IBTK: variants seen among roughly 807,000 people sequenced by gnomAD.
IBTK encodes inhibitor of Bruton tyrosine kinase.
In IBTK, 83 loss-of-function variants were observed where a neutral mutation model predicts 154.9. That is an observed-to-expected ratio of 0.54 (90% CI 0.45 to 0.64). The LOEUF (loss-of-function observed/expected upper bound fraction) is 0.64. IBTK is among the 30% of genes least tolerant of loss of function. The probability of loss-of-function intolerance (pLI) is 0.00; values close to 1 mark genes in which losing one functional copy is unlikely to be tolerated. For synonymous variants in IBTK, 515 were observed against 536.1 expected (o/e 0.96, Z 0.54); for missense variants, 1,332 against 1,584.6 (o/e 0.84, Z 2.71).
At position 82,181,950 on chromosome 6, in the gene IBTK, A is replaced by G. The variant is rs1410622942; in HGVS notation, c.3654T>C (p.His1218=). Reference sequence around the variant, plus strand: ...CTTTTTTGACATGATCGCCTGAACTATGGCTAGTAACAGACTTTTTTTCTT... The same window carrying G: ...CTTTTTTGACATGATCGCCTGAACTGTGGCTAGTAACAGACTTTTTTTCTT... The part of the protein sequence containing the change: ...LLEEKKSVTS[H]SSGDHVKKVS... Residue 1218 remains histidine, a synonymous_variant, in exon 26 of 29, where the codon CAT becomes CAC. Transcript: ENST00000306270. 1.1e-5 allele frequency: 18 copies of G among 1,603,512 alleles called. No homozygotes were observed. Among genetic ancestry groups the G allele is most frequent in the Non-Finnish European group, 1.5e-5 (18 of 1,177,488 alleles).
chr6:82,222,914 A>G (rs1405947991), intron 8 of IBTK, among the ~76,000 whole-genome samples: 1 of 148,272 alleles, frequency 6.7e-6, no homozygotes, highest in Non-Finnish European at 1.5e-5. Flanking sequence ...AAAAAAAAAA[A>G]CAAAAACTTT....
intron 25 of IBTK, among the ~76,000 whole-genome samples, chr6:82,188,738 C>A (rs368350363): frequency 5.3e-5 from 8 of 152,042 alleles, no homozygotes; most frequent in East Asian, 3.9e-4. Context: ...TATATGTGGA[C>A]AATAGAAAAG....
Position 82,247,645 on chromosome 6 carries a change from A to G in IBTK, c.-441T>C. The stretch of plus-strand genomic sequence containing the variant: ...GGACTCATCCTCAGTGAAGGCAATA[A>G]GAGAAACCGAACGGCGCCAGAGGGG... On this transcript the variant is annotated 5_prime_UTR_variant, in exon 1 of 29. Transcript: ENST00000306270. 2.5e-6 allele frequency: 1 copy of G among 398,826 alleles called. No homozygotes were observed. 24.7% of individuals were successfully genotyped at this position (398,826 alleles called of 1,614,324 possible). A position where few individuals can be genotyped will look rare whatever the true frequency, so the allele number is the denominator to read the frequency against.
At chr6:82,194,977 T>C (rs1351095932) in intron 22 of IBTK, among the ~76,000 whole-genome samples, 3 of 152,172 alleles carry the variant, frequency 2.0e-5, no homozygotes, top group Non-Finnish European at 2.9e-5. Context: ...TTAATATCCA[T>C]GGCTTGAATA....
intron 16 of IBTK, among the ~76,000 whole-genome samples, chr6:82,207,575 G>GC (rs537692727): frequency 6.2e-4 from 94 of 152,130 alleles, no homozygotes; most frequent in African/African-American, 2.1e-3. Context: ...GCAGAAATTG[G>GC]CAAACTAATC....
chr6:82,223,398 AT>A (rs753591576), intron 8 of IBTK, 41 bp downstream of exon 8: 3 of 1,488,336 alleles, frequency 2.0e-6, no homozygotes, highest in Non-Finnish European at 1.8e-6. Flanking sequence ...GAAGAGTTGA[AT>A]TATTATTAAA....
intron 23 of IBTK, among the ~76,000 whole-genome samples, chr6:82,192,960 T>C (rs1768829891): frequency 6.6e-6 from 1 of 151,664 alleles, no homozygotes; most frequent in South Asian, 2.1e-4. Context: ...TGGCTGAGCA[T>C]GGTGGCACGC....
intron 26 of IBTK, among the ~76,000 whole-genome samples, chr6:82,177,002 TATA>T (rs1562068405): frequency 6.6e-6 from 1 of 150,828 alleles, no homozygotes; most frequent in Non-Finnish European, 1.5e-5. Flanking sequence ...TGCTTATAAA[TATA>T]ATAATAAAAT....
In IBTK at chr6:82,230,200, G is replaced by T. The variant is rs1417672994; in HGVS notation, c.543+1518C>A. 2.0e-5 allele frequency among the ~76,000 whole-genome samples: 3 copies of T among 152,168 alleles called. No individual in the cohort carries two copies. The East Asian group carries it at 5.8e-4, about 29-fold the overall frequency. Reference sequence around the variant, plus strand: ...TGTATGTCATATATAAATAATAGGTGAAAGTTGGAAAGAGCCAGTACTATA... The same window carrying T: ...TGTATGTCATATATAAATAATAGGTTAAAGTTGGAAAGAGCCAGTACTATA... On this transcript the variant is annotated intron_variant, in intron 4 of 28. Transcript: ENST00000306270.
At chr6:82,204,600 T>C (rs1448969149) in intron 17 of IBTK, among the ~76,000 whole-genome samples, 2 of 152,162 alleles carry the variant, frequency 1.3e-5, no homozygotes, top group African/African-American at 2.4e-5. Flanking sequence ...TCTGACACCA[T>C]CTTTATTCTT....
chr6:82,192,833 C>T (rs898691960), intron 23 of IBTK, among the ~76,000 whole-genome samples: 12 of 151,748 alleles, frequency 7.9e-5, no homozygotes, highest in Admixed American at 7.9e-4. Flanking sequence ...GGCACAGTGG[C>T]TCACACCTGA....
chr6:82,210,301 C>A (rs1231779792), intron 16 of IBTK: 1 of 149,512 alleles, frequency 6.7e-6, no homozygotes, highest in East Asian at 1.9e-4. Flanking sequence ...ACTGCTGAAT[C>A]TAATTTCAAC....
chr6:82,181,059 C>CT (rs930876335), intron 26 of IBTK, among the ~76,000 whole-genome samples: 27 of 151,944 alleles, frequency 1.8e-4, no homozygotes, highest in East Asian at 3.9e-4. Flanking sequence ...AAATATGAAA[C>CT]TTTTTTTTAA....
intron 20 of IBTK, 107 bp downstream of exon 20, chr6:82,200,480 A>T: frequency 9.4e-7 from 1 of 1,063,182 alleles, no homozygotes; most frequent in Non-Finnish European, 1.3e-6. Flanking sequence ...TTCATCTTCC[A>T]ATACCAACAC....
chr6:82,198,099 T>G (rs893732111), intron 21 of IBTK, among the ~76,000 whole-genome samples: 2 of 152,218 alleles, frequency 1.3e-5, no homozygotes, highest in Admixed American at 1.3e-4. Context: ...TTCCTTAGGT[T>G]TAAAGTAAGG....
chr6:82,234,655 T>A lies in IBTK; in HGVS notation c.322-400A>T, dbSNP rs550171562. On this transcript the variant is annotated intron_variant, in intron 2 of 28. Transcript: ENST00000306270. ...CTGGCCGACTTCCTATTCTTATGTATCAAAAAGTCAGATAATCAACCCCAT... is the reference window on the plus strand; with the variant it reads ...CTGGCCGACTTCCTATTCTTATGTAACAAAAAGTCAGATAATCAACCCCAT... 4.1e-4 allele frequency among the ~76,000 whole-genome samples: 63 copies of A among 151,864 alleles called. 1 individual carries two copies. The highest frequency in any genetic ancestry group is 1.4e-3 in the African/African-American group (58 of 41,428).
rs1474971769 is a variant in IBTK at position 82,208,741 on chromosome 6, C to G, written c.2509+2073G>C. On this transcript the variant is annotated intron_variant, in intron 16 of 28. Transcript: ENST00000306270. Reference sequence around the variant, plus strand: ...CTTGCCCAATGGAATAAGACCCTGTCTCAAAAATAAAAAAAAATTAAGTTT... The same window carrying G: ...CTTGCCCAATGGAATAAGACCCTGTGTCAAAAATAAAAAAAAATTAAGTTT... 3.3e-5 allele frequency among the ~76,000 whole-genome samples: 5 copies of G among 151,928 alleles called. No homozygotes were observed. The East Asian group carries it at 9.7e-4, about 29-fold the overall frequency.
At position 82,240,238 on chromosome 6, in the gene IBTK, T is replaced by C. The variant is rs1290030804; in HGVS notation, c.249A>G (p.Lys83=). The C allele has an allele frequency of 6.2e-7, 1 of 1,614,118 alleles. No homozygotes were observed. The highest frequency in any genetic ancestry group is 8.5e-7 in the Non-Finnish European group (1 of 1,180,022). The stretch of plus-strand genomic sequence containing the variant: ...TGTGCAATGCTGTCCATCCAGACTC[T>C]TTGTCTTTCACCAACAGATCCACTC... ...QKGVDLLVKD[K]ESGWTALHRS... Residue 83 remains lysine, a synonymous_variant, in exon 2 of 29, where the codon AAA becomes AAG. Coordinates refer to ENST00000306270, the MANE Select transcript of IBTK (RefSeq NM_015525.4).
chr6:82,200,313 T>A, intron 20 of IBTK, 60 bp from the exon 21 acceptor site: 1 of 1,173,608 alleles, frequency 8.5e-7, no homozygotes, highest in Non-Finnish European at 1.3e-6. Flanking sequence ...ATAAATGCAC[T>A]TATTTAACCC....
Sources: gnomAD v4.1 joint callset for allele counts (sites outside exome capture counted in the v4.1 genomes callset) on GRCh38, gnomAD v4.1.1 for gene constraint, MANE v1.5 for transcripts, NCBI Gene and HGNC (gene_info 2026-07-23, HGNC 2026-07-21) for gene names.